HEPH: variants seen among roughly 807,000 people sequenced by gnomAD.
The protein encoded by HEPH is hephaestin.
Under a neutral mutation model 80.8 loss-of-function variants are expected in HEPH, and 69 were observed. That is an observed-to-expected ratio of 0.85 (90% CI 0.70 to 1.04). The LOEUF (loss-of-function observed/expected upper bound fraction) is 1.04. Ranked by LOEUF, HEPH falls within the 50% of genes least tolerant of loss-of-function variation. HEPH has a pLI of 0.00. For missense variants in HEPH, 1,115 were observed against 891.3 expected, an observed-to-expected ratio of 1.25 and a Z score of -3.20; for synonymous variants, 431 against 322.8, an observed-to-expected ratio of 1.34 and a Z score of -3.60.
At chrX:66,232,958 T>G (rs996244552) in intron 15 of HEPH, among the ~76,000 whole-genome samples, 3 of 110,638 alleles carry the variant, frequency 2.7e-5, no homozygotes, top group Non-Finnish European at 5.7e-5. Flanking sequence ...ATGAGCTGTA[T>G]TTTATAAGGA....
intron 1 of HEPH, among the ~76,000 whole-genome samples, chrX:66,165,956 G>A (rs757484273): frequency 2.7e-5 from 3 of 111,063 alleles, no homozygotes; most frequent in Admixed American, 1.9e-4. Flanking sequence ...CAAGTGAAAA[G>A]CTTACACAGG....
At chrX:66,194,156 A>G (rs2087961750) in intron 8 of HEPH, among the ~76,000 whole-genome samples, 1 of 111,762 alleles carries the variant, frequency 8.9e-6, no homozygotes, top group Non-Finnish European at 1.9e-5. Flanking sequence ...TAGTAGCATG[A>G]TGGAACCAGA....
chrX:66,223,872 T>G (rs1205430950), intron 15 of HEPH, among the ~76,000 whole-genome samples: 1 of 111,975 alleles, frequency 8.9e-6, no homozygotes, highest in East Asian at 2.8e-4. Flanking sequence ...TTAGGAAGCC[T>G]AGTTAGTTTT....
At chrX:66,199,685 G>A (rs770410520) in intron 11 of HEPH, among the ~76,000 whole-genome samples, 1 of 112,116 alleles carries the variant, frequency 8.9e-6, no homozygotes, top group East Asian at 2.8e-4. Flanking sequence ...AAGTATATCA[G>A]TTACAATCCA....
chrX:66,194,995 C>G, intron 8 of HEPH, 103 bp from the exon 9 acceptor site: 22 of 645,141 alleles, frequency 3.4e-5, no homozygotes, highest in Non-Finnish European at 4.2e-5. Context: ...TTATTTTCTT[C>G]TTCACTTTCA....
Position 66,170,729 on chromosome X carries a change from C to A in HEPH, c.159C>A (p.Asp53Glu). The A allele has an allele frequency of 8.3e-7, 1 of 1,207,293 alleles. No individual in the cohort carries two copies. Among genetic ancestry groups the A allele is most frequent in the Non-Finnish European group, 1.1e-6 (1 of 892,579 alleles). The change falls in exon 2 of 21, where the codon GAC becomes GAA. Residue 53 changes from aspartate (D) to glutamate (E), a missense_variant. Around this residue, in one of 3 missense-constraint regions of HEPH, gnomAD observed 391 missense variants for 343.6 expected, o/e 1.14. Transcript: ENST00000343002. Reference sequence around the variant, plus strand: ...ATGTCATCACGAACCAGCCTCTGGACAGTGACATGTAGGTTTAATTTCTTG... The same window carrying A: ...ATGTCATCACGAACCAGCCTCTGGAAAGTGACATGTAGGTTTAATTTCTTG... ...GRNVITNQPL[D>E]SDIVASSFLK...
rs1454926846 is a variant in HEPH at position 66,197,631 on chromosome X, A to T, written c.1502-52A>T. Reference sequence around the variant, plus strand: ...ATCTTTATTTCACTGTTTGGAGCTGATGATTCTCATTCTAGTCAATCTAAG... The same window carrying T: ...ATCTTTATTTCACTGTTTGGAGCTGTTGATTCTCATTCTAGTCAATCTAAG... On this transcript the variant is annotated intron_variant, in intron 9 of 20. Coordinates refer to ENST00000343002, the MANE Select transcript of HEPH (RefSeq NM_001367233.3). The T allele has an allele frequency of 5.8e-6, 6 of 1,040,052 alleles. No homozygotes were observed. The African/African-American group carries it at 9.3e-5, about 16-fold the overall frequency. 85.7% of individuals were successfully genotyped at this position (1,040,052 alleles called of 1,213,427 possible).
chrX:66,253,451 A>G (rs1293000328), intron 15 of HEPH, among the ~76,000 whole-genome samples: 2 of 112,401 alleles, frequency 1.8e-5, no homozygotes, highest in Non-Finnish European at 3.8e-5. Flanking sequence ...AAAGATTTTT[A>G]AAAGCAGACA....
chrX:66,178,350 G>C (rs1009722221), intron 4 of HEPH, among the ~76,000 whole-genome samples: 1 of 112,586 alleles, frequency 8.9e-6, no homozygotes, highest in African/African-American at 3.2e-5. Context: ...ATCACTGATG[G>C]ACATTTAGGT....
chrX:66,266,618 C>T lies in HEPH; in HGVS notation c.3423C>T (p.Arg1141=). 8.3e-7 allele frequency: 1 copy of T among 1,209,542 alleles called. No homozygotes were observed. Residue 1141 remains arginine, a synonymous_variant, in exon 21 of 21, where the codon CGC becomes CGT. Coordinates refer to ENST00000343002, the MANE Select transcript of HEPH (RefSeq NM_001367233.3). The part of the protein sequence containing the change: ...WYQHRQRKLR[R]NRRSILDDSF... ...AACATCGACAGAGAAAGCTACGACG[C>T]AATAGGAGGTCCATCCTGGATGACA... is the stretch of plus-strand genomic sequence containing the variant.
intron 8 of HEPH, 121 bp downstream of exon 8, chrX:66,193,759 T>C: frequency 2.3e-6 from 1 of 433,659 alleles, no homozygotes; most frequent in Non-Finnish European, 3.8e-6. Context: ...CCAAAGTGAG[T>C]CTTATGAGAT....
At chrX:66,241,579 G>A (rs941673567) in intron 15 of HEPH, among the ~76,000 whole-genome samples, 6 of 111,400 alleles carry the variant, frequency 5.4e-5, no homozygotes, top group East Asian at 2.8e-4. Flanking sequence ...ACATAAATGC[G>A]TTCAACATTG....
In HEPH at chrX:66,189,800, C is replaced by A. The variant is rs1271870297; in HGVS notation, c.925C>A (p.His309Asn). 7 of 1,211,268 alleles carry A rather than the reference C, an allele frequency of 5.8e-6. No individual in the cohort carries two copies. Among genetic ancestry groups the A allele is most frequent in the Non-Finnish European group, 1.1e-6 (1 of 895,416 alleles). ...AATTGATGTCCACACAGCATTTTTC[C>A]ATGGACAGATGCTGACTACCCGTGG... is the stretch of plus-strand genomic sequence containing the variant. ...NEIDVHTAFFHGQMLTTRGHH... is the reference protein window; with the variant it reads ...NEIDVHTAFFNGQMLTTRGHH... Residue 309 changes from histidine (H) to asparagine (N), a missense_variant, in exon 6 of 21, where the codon CAT becomes AAT. Around this residue, in one of 3 missense-constraint regions of HEPH, gnomAD observed 391 missense variants for 343.6 expected, o/e 1.14. Coordinates refer to ENST00000343002, the MANE Select transcript of HEPH (RefSeq NM_001367233.3).
In HEPH at chrX:66,173,647, G is replaced by C; in HGVS notation, c.471G>C (p.Pro157=). ...GPLKADDSVP[P]GGSHIYNWTI... ...TGAAAGCTGATGACTCTGTTCCCCC[G>C]GGGGGCAGCCATATCTACAACTGGA... The change falls in exon 4 of 21, where the codon CCG becomes CCC. Residue 157 remains proline (P), a synonymous_variant. Coordinates refer to ENST00000343002, the MANE Select transcript of HEPH (RefSeq NM_001367233.3). The C allele has an allele frequency of 3.3e-6, 4 of 1,209,733 alleles. No homozygotes were observed. Among genetic ancestry groups the C allele is most frequent in the Non-Finnish European group, 4.5e-6 (4 of 894,242 alleles).
intron 18 of HEPH, among the ~76,000 whole-genome samples, 183 bp from the exon 19 acceptor site, chrX:66,259,917 G>A (rs902080735): frequency 1.8e-5 from 2 of 108,201 alleles, no homozygotes; most frequent in African/African-American, 3.4e-5. Flanking sequence ...TAGTAGAGAC[G>A]GGGTTTCATC....
At chrX:66,213,177 C>T (rs1006701707) in intron 15 of HEPH, among the ~76,000 whole-genome samples, 3 of 109,256 alleles carry the variant, frequency 2.7e-5, no homozygotes, top group South Asian at 4.0e-4. Flanking sequence ...AATGCTATCC[C>T]TCCCCCCTTC....
chrX:66,195,805 A>G (rs1272087992), intron 9 of HEPH, among the ~76,000 whole-genome samples: 1 of 112,037 alleles, frequency 8.9e-6, no homozygotes, highest in Non-Finnish European at 1.9e-5. Flanking sequence ...GAATGAATGC[A>G]TATATCCTAG....
intron 20 of HEPH, among the ~76,000 whole-genome samples, chrX:66,264,273 T>A (rs2091460388): frequency 9.5e-6 from 1 of 105,726 alleles, no homozygotes; most frequent in Admixed American, 1.0e-4. Flanking sequence ...ATATGTAAAA[T>A]ATATATATTA....
chrX:66,187,275 G>A (rs1286712390), intron 4 of HEPH, among the ~76,000 whole-genome samples: 1 of 110,348 alleles, frequency 9.1e-6, no homozygotes, highest in Non-Finnish European at 1.9e-5. Flanking sequence ...TTTTATCTTG[G>A]CTTGGATCCA....
Sources: allele counts gnomAD v4.1 joint callset (sites outside exome capture counted in the v4.1 genomes callset), GRCh38; gene constraint gnomAD v4.1.1; regional missense constraint gnomAD v4.1.1; transcripts MANE v1.5; gene names NCBI Gene and HGNC (gene_info 2026-07-23, HGNC 2026-07-21).